Variants in RABGEF1 observed in about 807,000 individuals in gnomAD.
The protein encoded by RABGEF1 is rab5 GDP/GTP exchange factor.
In RABGEF1, 26 loss-of-function variants were observed where a neutral mutation model predicts 57.3. The ratio of observed to expected loss-of-function variants is 0.45; its 90% CI spans 0.33 to 0.63. The LOEUF (loss-of-function observed/expected upper bound fraction) is 0.63, where lower values mean the gene tolerates loss of function less well. Ranked by LOEUF, RABGEF1 falls within the 20% of genes least tolerant of loss-of-function variation. The pLI is 0.02. For synonymous variants in RABGEF1, 185 were observed against 210.7 expected (o/e 0.88, Z 1.06); for missense variants, 464 against 607.6 (o/e 0.76, Z 2.48).
intron 8 of RABGEF1, among the ~76,000 whole-genome samples, chr7:66,807,461 A>AT (rs1562891895): frequency 6.6e-6 from 1 of 151,968 alleles, no homozygotes; most frequent in Non-Finnish European, 1.5e-5. Context: ...TCCACCTTGA[A>AT]TTGTGTCATT....
chr7:66,763,324 T>C (rs935950161), intron 1 of RABGEF1, among the ~76,000 whole-genome samples: 1 of 152,246 alleles, frequency 6.6e-6, no homozygotes, highest in African/African-American at 2.4e-5. Flanking sequence ...TGCACTCGTG[T>C]TGGCAGAATT....
intron 1 of RABGEF1, among the ~76,000 whole-genome samples, chr7:66,744,029 T>C (rs1799609999): frequency 2.0e-5 from 3 of 151,084 alleles, no homozygotes; most frequent in Admixed American, 6.6e-5. Flanking sequence ...CTTTTTTCTT[T>C]TCTTTTCTTT....
intron 1 of RABGEF1, among the ~76,000 whole-genome samples, chr7:66,693,940 T>G (rs1179661647): frequency 6.6e-6 from 1 of 152,124 alleles, no homozygotes; most frequent in Non-Finnish European, 1.5e-5. Context: ...CCAGAGTAGT[T>G]GGGATTACAA....
intron 7 of RABGEF1, 124 bp from the exon 8 acceptor site, chr7:66,805,011 CTAAGT>C: frequency 9.5e-7 from 1 of 1,053,436 alleles, no homozygotes; most frequent in Non-Finnish European, 1.4e-6. Context: ...TTATTATATA[CTAAGT>C]TAACTGCTGG....
chr7:66,797,334 AT>A (rs774572101), intron 5 of RABGEF1, 39 bp from the exon 6 acceptor site: 7 of 1,538,484 alleles, frequency 4.5e-6, no homozygotes, highest in Non-Finnish European at 5.2e-6. Flanking sequence ...GAGAGAAAAA[AT>A]ATATATATCT....
intron 4 of RABGEF1, among the ~76,000 whole-genome samples, chr7:66,791,849 C>T (rs747824299): frequency 3.9e-5 from 6 of 152,188 alleles, no homozygotes; most frequent in Non-Finnish European, 8.8e-5. Flanking sequence ...TGCGGTGGCT[C>T]ACGCCTGTAA....
At chr7:66,688,766 C>T (rs1000181868) in intron 1 of RABGEF1, among the ~76,000 whole-genome samples, 1 of 152,084 alleles carries the variant, frequency 6.6e-6, no homozygotes, top group African/African-American at 2.4e-5. Context: ...AAGCAGTGCT[C>T]AGAGGGAAAT....
chr7:66,656,796 G>A, the RABGEF1 span, among the ~76,000 whole-genome samples: 2 of 140,264 alleles, frequency 1.4e-5, no homozygotes, highest in South Asian at 4.6e-4. Flanking sequence ...CTCCAGCCTG[G>A]GCAACAAGAG....
chr7:66,763,117 C>T (rs1804850884), intron 1 of RABGEF1, among the ~76,000 whole-genome samples: 1 of 152,220 alleles, frequency 6.6e-6, no homozygotes, highest in African/African-American at 2.4e-5. Context: ...CCTACTTCAG[C>T]CTTCCTAAGT....
intron 4 of RABGEF1, among the ~76,000 whole-genome samples, chr7:66,793,204 A>C (rs1434061151): frequency 6.6e-6 from 1 of 152,148 alleles, no homozygotes; most frequent in Non-Finnish European, 1.5e-5. Context: ...GAAGTGTTTC[A>C]GATTTTGGGG....
At chr7:66,759,718 A>C (rs755652144) in intron 1 of RABGEF1, among the ~76,000 whole-genome samples, 1 of 152,192 alleles carries the variant, frequency 6.6e-6, no homozygotes, top group African/African-American at 2.4e-5. Flanking sequence ...ACGTTTAAAC[A>C]ACCAGATCTC....
chr7:66,658,507 G>C, the RABGEF1 span, among the ~76,000 whole-genome samples: 1 of 150,186 alleles, frequency 6.7e-6, no homozygotes, highest in African/African-American at 2.4e-5. Flanking sequence ...GCTCCAGCCT[G>C]GGGGACAAGA....
At chr7:66,758,686 G>A (rs1402391474) in intron 1 of RABGEF1, among the ~76,000 whole-genome samples, 1 of 151,836 alleles carries the variant, frequency 6.6e-6, no homozygotes, top group East Asian at 2.0e-4. Flanking sequence ...TGGGTGTGCC[G>A]ACTCTCCTGC....
intron 2 of RABGEF1, among the ~76,000 whole-genome samples, chr7:66,723,617 G>A (rs1454489924): frequency 1.3e-5 from 2 of 151,186 alleles, no homozygotes; most frequent in Admixed American, 6.6e-5. Context: ...TCTCACTCTT[G>A]TTGCCCAGGC....
At chr7:66,804,740 A>G (rs79139952) in intron 7 of RABGEF1, among the ~76,000 whole-genome samples, 1 of 107,826 alleles carries the variant, frequency 9.3e-6, no homozygotes, top group African/African-American at 3.1e-5. Context: ...CTCAGTCTGA[A>G]AAAAAAAAAA....
At chr7:66,712,813 A>T (rs1337745282) in intron 2 of RABGEF1, among the ~76,000 whole-genome samples, 2 of 127,228 alleles carry the variant, frequency 1.6e-5, no homozygotes, top group African/African-American at 3.0e-5. Flanking sequence ...TTTCTTTTTC[A>T]TTTCCTTTCC....
At chr7:66,796,255 C>G (rs1051665878) in intron 5 of RABGEF1, among the ~76,000 whole-genome samples, 1 of 151,958 alleles carries the variant, frequency 6.6e-6, no homozygotes, top group Non-Finnish European at 1.5e-5. Flanking sequence ...AAAAGAGCTT[C>G]AAGTTTTTAG....
chr7:66,754,706 G>T (rs1449304259), intron 1 of RABGEF1, among the ~76,000 whole-genome samples: 1 of 152,150 alleles, frequency 6.6e-6, no homozygotes, highest in Non-Finnish European at 1.5e-5. Context: ...ATATTTATTT[G>T]ATTGCGCCAT....
intron 1 of RABGEF1, among the ~76,000 whole-genome samples, chr7:66,768,332 ATCT>A (rs1806263277): frequency 6.6e-6 from 1 of 152,190 alleles, no homozygotes; most frequent in Non-Finnish European, 1.5e-5. Flanking sequence ...CAGTGTATAT[ATCT>A]TCTTTGTTAA....
Sources: gnomAD v4.1 joint callset for allele counts (sites outside exome capture counted in the v4.1 genomes callset) on GRCh38, gnomAD v4.1.1 for gene constraint, MANE v1.5 for transcripts, NCBI Gene and HGNC (gene_info 2026-07-23, HGNC 2026-07-21) for gene names.